CHD6: variants seen among roughly 807,000 people sequenced by gnomAD.
CHD6 encodes ATP-dependent chromatin remodeler CHD6.
Under a neutral mutation model 276.9 loss-of-function variants are expected in CHD6, and 50 were observed. That is an observed-to-expected ratio of 0.18 (90% CI 0.14 to 0.23). CHD6 has a LOEUF of 0.23. CHD6 is among the 10% of genes least tolerant of loss of function. The pLI is 1.00. For missense variants in CHD6, 2,564 were observed against 3,365.8 expected (o/e 0.76, Z 5.89); for synonymous variants, 1,173 against 1,229.3 (o/e 0.95, Z 0.96).
rs560652260 is a variant in CHD6 at position 41,520,169 on chromosome 20, C to T, written c.555-5217G>A. Among the ~76,000 whole-genome samples the T allele has an allele frequency of 6.4e-3, 974 of 152,228 alleles. 10 individuals are homozygous for T. Among genetic ancestry groups the T allele is most frequent in the Middle Eastern group, 0.017 (5 of 292 alleles). On this transcript the variant is annotated intron_variant, in intron 3 of 36. Coordinates refer to ENST00000373233, the MANE Select transcript of CHD6 (RefSeq NM_032221.5). ...TGGTGATCATTAAAAAGTCAGGAAACAACAGGTGCTGGAGAGGATGTGGAG... is the reference window on the plus strand; with the variant it reads ...TGGTGATCATTAAAAAGTCAGGAAATAACAGGTGCTGGAGAGGATGTGGAG...
intron 3 of CHD6, among the ~76,000 whole-genome samples, chr20:41,521,845 A>C (rs4812520): frequency 0.45 from 69,120 of 152,150 alleles, 17,095 homozygotes; most frequent in African/African-American, 0.66. Context: ...ATGACAAATA[A>C]GTTAGCTTGA....
intron 3 of CHD6, among the ~76,000 whole-genome samples, chr20:41,531,999 T>C (rs2044697321): frequency 6.6e-6 from 1 of 152,238 alleles, no homozygotes; most frequent in African/African-American, 2.4e-5. Context: ...ACTTAGATTT[T>C]AGACATGTAA....
At chr20:41,545,759 G>GC (rs2146125824) in intron 2 of CHD6, among the ~76,000 whole-genome samples, 1 of 152,112 alleles carries the variant, frequency 6.6e-6, no homozygotes. Context: ...CACACACTAG[G>GC]CCTTTCCTTT....
intron 2 of CHD6, chr20:41,547,767 A>T (rs1224921800): frequency 2.6e-5 from 14 of 533,984 alleles, no homozygotes; most frequent in Non-Finnish European, 2.2e-5. Flanking sequence ...TGCTCGACAG[A>T]TGCAGCACCA....
intron 10 of CHD6, among the ~76,000 whole-genome samples, chr20:41,492,781 C>T (rs928351355): frequency 1.5e-4 from 23 of 152,172 alleles, no homozygotes; most frequent in African/African-American, 4.8e-4. Context: ...ATTAGCCAGG[C>T]GTGGTGGCAC....
chr20:41,403,905 A>AT lies in CHD6; in HGVS notation c.*687_*688insA. The AT allele has an allele frequency of 1.9e-6, 2 of 1,055,782 alleles. No individual in the cohort carries two copies. Among genetic ancestry groups the AT allele is most frequent in the South Asian group, 9.1e-5 (2 of 21,896 alleles). 65.4% of individuals were successfully genotyped at this position (1,055,782 alleles called of 1,614,324 possible). On this transcript the variant is annotated 3_prime_UTR_variant, in exon 37 of 37. Transcript: ENST00000373233. The stretch of plus-strand genomic sequence containing the variant: ...AGCAAGAGGAATCTTTTCACTGGTG[A>AT]GAGGGATGTATAGAAAATAATGCCT...
At chr20:41,497,771 A>G in intron 7 of CHD6, 1 of 491,220 alleles carries the variant, frequency 2.0e-6, no homozygotes, top group South Asian at 2.3e-5. Context: ...GCAGGTTATC[A>G]TTAACACACA....
At chr20:41,536,674 G>A (rs946025978) in intron 2 of CHD6, among the ~76,000 whole-genome samples, 2 of 151,956 alleles carry the variant, frequency 1.3e-5, no homozygotes, top group African/African-American at 4.8e-5. Flanking sequence ...CTAAAACTCA[G>A]GCAACAAAAA....
intron 1 of CHD6, among the ~76,000 whole-genome samples, chr20:41,611,732 G>A (rs137913433): frequency 1.4e-3 from 213 of 152,120 alleles, no homozygotes; most frequent in African/African-American, 4.2e-3. Context: ...CCGCCTCCCC[G>A]GTTCAAGCGA....
At position 41,596,931 on chromosome 20, in the gene CHD6, A is replaced by G. The variant is rs192655714; in HGVS notation, c.-24+21409T>C. On this transcript the variant is annotated intron_variant, in intron 1 of 36. Transcript: ENST00000373233. ...AAGTATATGTAAGAAGGGATAAAGA[A>G]AAGCAAAAGCAAAAGGCAAAAAATC... Among the ~76,000 whole-genome samples the G allele has an allele frequency of 9.8e-5, 15 of 152,328 alleles. No individual in the cohort carries two copies. In the East Asian group the frequency reaches 2.9e-3, roughly 29 times the overall value.
At chr20:41,583,546 T>C (rs1970359517) in intron 1 of CHD6, among the ~76,000 whole-genome samples, 2 of 152,188 alleles carry the variant, frequency 1.3e-5, no homozygotes. Flanking sequence ...AAGTAGAAGG[T>C]ATATGACACT....
intron 3 of CHD6, among the ~76,000 whole-genome samples, chr20:41,516,219 A>G (rs1389748152): frequency 2.6e-5 from 4 of 151,672 alleles, no homozygotes; most frequent in African/African-American, 4.9e-5. Context: ...GATGGGGTGC[A>G]GTGGCGTGAT....
intron 1 of CHD6, among the ~76,000 whole-genome samples, chr20:41,552,806 G>A (rs940714309): frequency 2.0e-5 from 3 of 152,184 alleles, no homozygotes; most frequent in Admixed American, 6.5e-5. Flanking sequence ...GAGTGCAGCG[G>A]CCAAGGAGGT....
At chr20:41,572,091 A>G (rs1383958474) in intron 1 of CHD6, among the ~76,000 whole-genome samples, 1 of 152,166 alleles carries the variant, frequency 6.6e-6, no homozygotes, top group Non-Finnish European at 1.5e-5. Context: ...CCAGTTATCA[A>G]TTTATTGCCT....
At chr20:41,520,741 A>G (rs1476886345) in intron 3 of CHD6, among the ~76,000 whole-genome samples, 1 of 152,092 alleles carries the variant, frequency 6.6e-6, no homozygotes, top group East Asian at 1.9e-4. Context: ...TAATGGATGC[A>G]GCACACCAAC....
chr20:41,482,518 C>G (rs183535905), intron 16 of CHD6: 2 of 511,226 alleles, frequency 3.9e-6, no homozygotes, highest in Non-Finnish European at 7.8e-6. Flanking sequence ...TTAAGACACC[C>G]GAGATTTGCT....
chr20:41,594,780 T>C (rs1047416776), intron 1 of CHD6, among the ~76,000 whole-genome samples: 2 of 152,216 alleles, frequency 1.3e-5, no homozygotes, highest in Non-Finnish European at 2.9e-5. Context: ...ATTGACCTTA[T>C]TCAATTTCAA....
intron 24 of CHD6, among the ~76,000 whole-genome samples, chr20:41,446,128 G>A (rs533195291): frequency 7.9e-5 from 12 of 152,320 alleles, no homozygotes; most frequent in Non-Finnish European, 1.0e-4. Flanking sequence ...TTGGACATCT[G>A]AAGGTAGAGC....
chr20:41,520,723 T>C (rs1263502933), intron 3 of CHD6, among the ~76,000 whole-genome samples: 2 of 151,512 alleles, frequency 1.3e-5, no homozygotes, highest in Non-Finnish European at 2.9e-5. Flanking sequence ...TAATGTTAAA[T>C]GACAAGTTAA....
Sources: allele counts gnomAD v4.1 joint callset (sites outside exome capture counted in the v4.1 genomes callset), GRCh38; gene constraint gnomAD v4.1.1; transcripts MANE v1.5; gene names NCBI Gene and HGNC (gene_info 2026-07-23, HGNC 2026-07-21).